HTR4: variants seen among roughly 807,000 people sequenced by gnomAD.
The protein encoded by HTR4 is 5-hydroxytryptamine (serotonin) receptor 4, G protein-coupled.
Under a neutral mutation model 36.8 loss-of-function variants are expected in HTR4, and 16 were observed. That is an observed-to-expected ratio of 0.43 (90% CI 0.29 to 0.66). The LOEUF (loss-of-function observed/expected upper bound fraction) is 0.66, where lower values mean the gene tolerates loss of function less well. Among genes scored for constraint, HTR4 ranks in the 30% least tolerant of loss-of-function variants. HTR4 has a pLI of 0.13. For missense variants in HTR4, 438 were observed against 490.9 expected (o/e 0.89, Z 1.02); for synonymous variants, 189 against 185.1 (o/e 1.02, Z -0.17).
intron 5 of HTR4, among the ~76,000 whole-genome samples, chr5:148,463,870 T>A (rs1755352590): frequency 6.6e-6 from 1 of 152,064 alleles, no homozygotes; most frequent in Admixed American, 6.5e-5. Context: ...CAGTATAGTT[T>A]GGCCAAAGAA....
chr5:148,489,053 G>A (rs1350516247), intron 6 of HTR4, among the ~76,000 whole-genome samples: 1 of 152,072 alleles, frequency 6.6e-6, no homozygotes, highest in Non-Finnish European at 1.5e-5. Context: ...TGAATCTTTG[G>A]GAGTCAGACT....
At chr5:148,495,190 T>C (rs1328772969) in intron 6 of HTR4, among the ~76,000 whole-genome samples, 1 of 152,174 alleles carries the variant, frequency 6.6e-6, no homozygotes, top group Non-Finnish European at 1.5e-5. Flanking sequence ...TTATAAATAG[T>C]CTGTTCTTAA....
intron 1 of HTR4, among the ~76,000 whole-genome samples, chr5:148,641,246 G>A (rs1416865747): frequency 2.0e-5 from 3 of 152,176 alleles, no homozygotes; most frequent in African/African-American, 7.2e-5. Context: ...CATCTCCTAT[G>A]CTCAGGTACA....
intron 2 of HTR4, among the ~76,000 whole-genome samples, chr5:148,563,109 A>G (rs958439654): frequency 6.6e-6 from 1 of 152,162 alleles, no homozygotes; most frequent in South Asian, 2.1e-4. Flanking sequence ...ACCATGACCT[A>G]TGTAAATTTA....
In HTR4 at chr5:148,523,247, A is replaced by G; in HGVS notation, c.453T>C (p.Phe151=). ...CTTGCATTATAGGGAGAAAAGAAAT[A>G]AACGTGGGGATGACCCAGCAGCCTC... ...MLGGCWVIPT[F]ISFLPIMQGW... The change falls in exon 5 of 7, where the codon TTT becomes TTC. Residue 151 remains phenylalanine, a synonymous_variant. Coordinates refer to ENST00000377888, the MANE Select transcript of HTR4 (RefSeq NM_000870.7). 1 of 1,613,690 alleles carries G rather than the reference A, an allele frequency of 6.2e-7. No individual in the cohort carries two copies. Among genetic ancestry groups the G allele is most frequent in the South Asian group, 1.1e-5 (1 of 91,044 alleles).
chr5:148,484,392 G>A, intron 6 of HTR4: 1 of 1,606,502 alleles, frequency 6.2e-7, no homozygotes, highest in Non-Finnish European at 8.5e-7. Context: ...AGCAGATAAA[G>A]AAATTATTTG....
intron 2 of HTR4, among the ~76,000 whole-genome samples, chr5:148,553,480 A>C (rs1369602747): frequency 6.6e-6 from 1 of 152,228 alleles, no homozygotes; most frequent in African/African-American, 2.4e-5. Context: ...GCTTGGATAG[A>C]GAAATTTTTA....
At chr5:148,605,356 T>G (rs927026292) in intron 2 of HTR4, among the ~76,000 whole-genome samples, 3 of 149,134 alleles carry the variant, frequency 2.0e-5, no homozygotes, top group Non-Finnish European at 3.0e-5. Flanking sequence ...CCTCCCAGGT[T>G]CAAGCGATTC....
chr5:148,457,533 A>G (rs1166518492), intron 5 of HTR4, among the ~76,000 whole-genome samples: 5 of 151,798 alleles, frequency 3.3e-5, no homozygotes, highest in Non-Finnish European at 4.4e-5. Flanking sequence ...ATTAGACTTT[A>G]TTATACATCA....
At chr5:148,599,988 A>G (rs1349144281) in intron 2 of HTR4, among the ~76,000 whole-genome samples, 1 of 151,728 alleles carries the variant, frequency 6.6e-6, no homozygotes, top group African/African-American at 2.4e-5. Context: ...ATTGGAATGT[A>G]CTTCTAACAA....
chr5:148,483,172 T>C lies in HTR4; in HGVS notation c.*31A>G, dbSNP rs1755971752. On this transcript the variant is annotated 3_prime_UTR_variant, in exon 7 of 7. Coordinates refer to ENST00000377888, the MANE Select transcript of HTR4 (RefSeq NM_000870.7). ...AGGACCTGGCCCTCTTTCGGAGGCA[T>C]GGCTGTCTTCTGGGTCATTGTCCCA... 6.2e-7 allele frequency: 1 copy of C among 1,613,688 alleles called. No homozygotes were observed. The highest frequency in any genetic ancestry group is 1.1e-5 in the South Asian group (1 of 91,070).
rs143561925 is a variant in HTR4, at chr5:148,619,728, C to A, written c.26+17261G>T. Among the ~76,000 whole-genome samples, 592 of 151,862 alleles carry A rather than the reference C, an allele frequency of 3.9e-3. 4 individuals carry two copies. The highest frequency in any genetic ancestry group is 0.013 in the African/African-American group (545 of 41,380). ...TTGTGTGTGATTTGCCTGGTCCAGC[C>A]AAGATTGTAGAAGCTGTAGGAGGAA... On this transcript the variant is annotated intron_variant, in intron 2 of 6. Coordinates refer to ENST00000377888, the MANE Select transcript of HTR4 (RefSeq NM_000870.7).
At chr5:148,600,720 C>T (rs371994561) in intron 2 of HTR4, among the ~76,000 whole-genome samples, 1 of 151,592 alleles carries the variant, frequency 6.6e-6, no homozygotes, top group South Asian at 2.1e-4. Context: ...GGAAGAAATT[C>T]GAGAAGGAGA....
At chr5:148,516,681 A>G (rs1346988161) in intron 5 of HTR4, among the ~76,000 whole-genome samples, 1 of 147,924 alleles carries the variant, frequency 6.8e-6, no homozygotes, top group Non-Finnish European at 1.5e-5. Context: ...TAGATTGCCT[A>G]TGAGACTGTT....
intron 2 of HTR4, among the ~76,000 whole-genome samples, chr5:148,607,870 G>T (rs1158589452): frequency 2.0e-5 from 3 of 152,134 alleles, no homozygotes; most frequent in Non-Finnish European, 2.9e-5. Context: ...CTTTAGGGAA[G>T]TCAAAATGGA....
rs1411783680 is a variant in HTR4 at position 148,544,302 on chromosome 5, T to G, written c.353+4366A>C. Among the ~76,000 whole-genome samples, 3 of 150,104 alleles carry G rather than the reference T, an allele frequency of 2.0e-5. No individual in the cohort carries two copies. In the East Asian group the frequency reaches 5.9e-4, roughly 29 times the overall value. The stretch of plus-strand genomic sequence containing the variant: ...TTCTCTCTTTCTCTCTCTCTCCACC[T>G]CTCTTTCTCTCTCTCTCCACCTCTC... On this transcript the variant is annotated intron_variant, in intron 4 of 6. Coordinates refer to ENST00000377888, the MANE Select transcript of HTR4 (RefSeq NM_000870.7).
rs751550308 is a variant in HTR4, at chr5:148,654,383, C to A, written c.-369G>T. On this transcript the variant is annotated 5_prime_UTR_variant, in exon 1 of 7. Coordinates refer to ENST00000377888, the MANE Select transcript of HTR4 (RefSeq NM_000870.7). Reference sequence around the variant, plus strand: ...TGGTCCCCGCTGCCCTGCCCGCTGCCGCCCCCACTGGGCGCCAGGGACAGC... The same window carrying A: ...TGGTCCCCGCTGCCCTGCCCGCTGCAGCCCCCACTGGGCGCCAGGGACAGC... 2.2e-4 allele frequency: 217 copies of A among 985,342 alleles called. No individual in the cohort carries two copies. Among genetic ancestry groups the A allele is most frequent in the Non-Finnish European group, 2.5e-4 (207 of 829,944 alleles). 61.0% of individuals were successfully genotyped at this position (985,342 alleles called of 1,614,324 possible).
chr5:148,650,306 G>A (rs1360237382), intron 1 of HTR4, among the ~76,000 whole-genome samples: 1 of 151,878 alleles, frequency 6.6e-6, no homozygotes, highest in Non-Finnish European at 1.5e-5. Flanking sequence ...TGTTGACATA[G>A]CACTTAAAAA....
At chr5:148,553,106 G>A (rs1378572300) in intron 2 of HTR4, among the ~76,000 whole-genome samples, 5 of 152,162 alleles carry the variant, frequency 3.3e-5, no homozygotes, top group Non-Finnish European at 5.9e-5. Flanking sequence ...GTTAGGCATT[G>A]TTGTATGTCC....
Sources: allele counts gnomAD v4.1 joint callset (sites outside exome capture counted in the v4.1 genomes callset), GRCh38; gene constraint gnomAD v4.1.1; transcripts MANE v1.5; gene names NCBI Gene and HGNC (gene_info 2026-07-23, HGNC 2026-07-21).